The following VEZT variants were observed in gnomAD, a reference collection of about 807,000 sequenced individuals.
VEZT encodes the protein vezatin, adherens junctions transmembrane protein.
A neutral mutation model predicts 79.9 loss-of-function variants in VEZT; 39 were observed. The observed-to-expected ratio is 0.49, with a 90% confidence interval of 0.38 to 0.64. VEZT has a LOEUF of 0.64. Ranked by LOEUF, VEZT falls within the 30% of genes least tolerant of loss-of-function variation. VEZT has a pLI of 0.00. For synonymous variants in VEZT, 325 were observed against 327.6 expected (o/e 0.99, Z 0.09); for missense variants, 837 against 893.1 (o/e 0.94, Z 0.80).
intron 4 of VEZT, among the ~76,000 whole-genome samples, chr12:95,264,576 A>G (rs369328924): frequency 9.2e-5 from 14 of 152,030 alleles, no homozygotes; most frequent in African/African-American, 3.1e-4. Flanking sequence ...ACCTGGGACT[A>G]TAGGAGCATG....
At chr12:95,274,971 G>A (rs2067345070) in intron 7 of VEZT, 82 bp downstream of exon 7, 24 of 1,488,782 alleles carry the variant, frequency 1.6e-5, no homozygotes, top group Non-Finnish European at 2.2e-5. Context: ...TGTAAATAGT[G>A]CGTTTGTTCC....
intron 1 of VEZT, among the ~76,000 whole-genome samples, chr12:95,231,900 G>A (rs1363894725): frequency 1.3e-5 from 2 of 152,032 alleles, no homozygotes; most frequent in Non-Finnish European, 2.9e-5. Context: ...TTCCATGATG[G>A]GGTTTTGTTA....
chr12:95,280,934 A>T (rs557505221), intron 7 of VEZT, among the ~76,000 whole-genome samples: 3 of 118,212 alleles, frequency 2.5e-5, no homozygotes, highest in South Asian at 5.6e-4. Flanking sequence ...TGGTCACTTT[A>T]AAAAAAAAAT....
intron 9 of VEZT, among the ~76,000 whole-genome samples, chr12:95,292,043 G>A (rs2072982202): frequency 6.6e-6 from 1 of 152,108 alleles, no homozygotes; most frequent in Non-Finnish European, 1.5e-5. Context: ...CAAGTGATCA[G>A]CCCATATCAG....
chr12:95,241,183 C>T (rs1339995274), intron 1 of VEZT, among the ~76,000 whole-genome samples: 1 of 152,128 alleles, frequency 6.6e-6, no homozygotes, highest in African/African-American at 2.4e-5. Flanking sequence ...CAGATGTGCA[C>T]CACCACGCCC....
intron 1 of VEZT, among the ~76,000 whole-genome samples, chr12:95,251,593 T>C (rs1431706944): frequency 6.6e-6 from 1 of 152,202 alleles, no homozygotes; most frequent in Non-Finnish European, 1.5e-5. Flanking sequence ...TCTATAACAT[T>C]GGCTATTTTG....
At chr12:95,259,742 T>C (rs1419133030) in intron 3 of VEZT, among the ~76,000 whole-genome samples, 5 of 152,248 alleles carry the variant, frequency 3.3e-5, no homozygotes, top group Non-Finnish European at 7.3e-5. Context: ...GTTTGAGACC[T>C]GGATCTGGGC....
Position 95,225,761 on chromosome 12 carries a change from C to CAAAA in VEZT, c.36+7904_36+7907dup, listed in dbSNP as rs531470163. On this transcript the variant is annotated intron_variant, in intron 1 of 11. Coordinates refer to ENST00000436874, the MANE Select transcript of VEZT (RefSeq NM_017599.4). ...TTGCCTCCACAGCTTTGTTTCATAG[C>CAAAA]AAAAAAAAAAAAAAAAAAAAAAAAA... Among the ~76,000 whole-genome samples the CAAAA allele has an allele frequency of 2.2e-3, 90 of 40,866 alleles. 2 individuals carry two copies. The highest frequency in any genetic ancestry group is 3.0e-3 in the East Asian group (3 of 1,010). The allele number at this position is 40,866 out of a possible 152,430, so 26.8% of individuals were successfully genotyped here. A position where few individuals can be genotyped will look rare whatever the true frequency, so the allele number is the denominator to read the frequency against.
intron 1 of VEZT, among the ~76,000 whole-genome samples, chr12:95,236,094 C>T (rs908046328): frequency 2.0e-5 from 3 of 151,974 alleles, no homozygotes; most frequent in Non-Finnish European, 4.4e-5. Flanking sequence ...GAGGTTGTAG[C>T]GAGCCGAGAT....
At position 95,263,016 on chromosome 12, in the gene VEZT, G is replaced by A. The variant is rs764710873; in HGVS notation, c.369G>A (p.Gly123=). 2 of 1,612,978 alleles carry A rather than the reference G, an allele frequency of 1.2e-6. No individual in the cohort carries two copies. Among genetic ancestry groups the A allele is most frequent in the South Asian group, 1.1e-5 (1 of 90,968 alleles). ...TTGATCCCAGTATCCTGTCTGCAGGGCAATCTCAACAACAGGAAAATGGAC... is the reference window on the plus strand; with the variant it reads ...TTGATCCCAGTATCCTGTCTGCAGGACAATCTCAACAACAGGAAAATGGAC... The part of the protein sequence containing the change: ...ELLDPSILSA[G]QSQQQENGHL... Residue 123 remains glycine, a synonymous_variant, in exon 4 of 12, where the codon GGG becomes GGA. Coordinates refer to ENST00000436874, the MANE Select transcript of VEZT (RefSeq NM_017599.4).
At chr12:95,270,267 A>G (rs1439834931) in intron 6 of VEZT, 79 bp downstream of exon 6, 3 of 1,402,962 alleles carry the variant, frequency 2.1e-6, no homozygotes, top group Non-Finnish European at 2.9e-6. Flanking sequence ...GTATCCTGTG[A>G]AAGTTTACTG....
chr12:95,295,695 G>A (rs2073989991), intron 10 of VEZT, among the ~76,000 whole-genome samples: 1 of 152,102 alleles, frequency 6.6e-6, no homozygotes, highest in Non-Finnish European at 1.5e-5. Context: ...AAACAAACAT[G>A]CCTGACCACC....
intron 1 of VEZT, among the ~76,000 whole-genome samples, chr12:95,222,361 A>G (rs959901686): frequency 2.0e-5 from 3 of 152,108 alleles, no homozygotes; most frequent in African/African-American, 7.2e-5. Flanking sequence ...TTTTCCCCGT[A>G]TGGATGTCCA....
At position 95,296,272 on chromosome 12, in the gene VEZT, TTAAAG is replaced by T. The variant is rs1482797881; in HGVS notation, c.1831+18_1831+22del. 3 of 1,559,404 alleles carry T rather than the reference TTAAAG, an allele frequency of 1.9e-6. No individual in the cohort carries two copies. The highest frequency in any genetic ancestry group is 1.7e-6 in the Non-Finnish European group (2 of 1,152,332). On this transcript the variant is annotated intron_variant, in intron 11 of 11. Transcript: ENST00000436874. Reference sequence around the variant, plus strand: ...TTAGTGATCATGGTAAGCACTGACTTTAAAGTAACAGGTTATTTCAATGTAGGGGA... The same window carrying T: ...TTAGTGATCATGGTAAGCACTGACTTTAACAGGTTATTTCAATGTAGGGGA...
chr12:95,280,479 T>TACACAC (rs34219058), intron 7 of VEZT, among the ~76,000 whole-genome samples: 49 of 117,870 alleles, frequency 4.2e-4, no homozygotes, highest in African/African-American at 1.5e-3. Context: ...TACACACACA[T>TACACAC]ACACACACAC....
At chr12:95,268,503 C>CA (rs907975693) in intron 5 of VEZT, among the ~76,000 whole-genome samples, 33 of 150,220 alleles carry the variant, frequency 2.2e-4, no homozygotes, top group Non-Finnish European at 3.6e-4. Flanking sequence ...GTTTCAAAAA[C>CA]AAAAAAAAAG....
chr12:95,239,297 G>C (rs1447703626), intron 1 of VEZT, among the ~76,000 whole-genome samples: 1 of 152,202 alleles, frequency 6.6e-6, no homozygotes, highest in Non-Finnish European at 1.5e-5. Flanking sequence ...AACTTTTCTT[G>C]TATATCCCCA....
intron 2 of VEZT, chr12:95,256,489 T>C (rs1475356412): frequency 2.2e-6 from 2 of 904,852 alleles, no homozygotes; most frequent in Admixed American, 6.0e-5. Flanking sequence ...TCTTCTTCTA[T>C]ACTAAGTTCT....
chr12:95,292,891 C>T (rs562801162), intron 9 of VEZT, among the ~76,000 whole-genome samples: 2 of 130,774 alleles, frequency 1.5e-5, no homozygotes, highest in Non-Finnish European at 3.1e-5. Flanking sequence ...TGCTCTGTTG[C>T]CCAGGCTGGA....
Sources: allele counts gnomAD v4.1 joint callset (sites outside exome capture counted in the v4.1 genomes callset), GRCh38; gene constraint gnomAD v4.1.1; transcripts MANE v1.5; gene names NCBI Gene and HGNC (gene_info 2026-07-23, HGNC 2026-07-21).